Variants in TECPR2 observed in about 807,000 individuals in gnomAD.
TECPR2 encodes tectonin beta-propeller repeat containing 2.
A neutral mutation model predicts 138.1 loss-of-function variants in TECPR2; 65 were observed. That is an observed-to-expected ratio of 0.47 (90% CI 0.39 to 0.58). TECPR2 has a LOEUF of 0.58. Ranked by LOEUF, TECPR2 falls within the 20% of genes least tolerant of loss-of-function variation. TECPR2 has a pLI of 0.00. For missense variants in TECPR2, 1,553 were observed against 1,824.5 expected, an observed-to-expected ratio of 0.85 and a Z score of 2.71; for synonymous variants, 746 against 749.8, an observed-to-expected ratio of 0.99 and a Z score of 0.08.
At chr14:102,463,427 AAAAAAAAAAAAAG>A (rs1448723572) in intron 16 of TECPR2, among the ~76,000 whole-genome samples, 5 of 147,800 alleles carry the variant, frequency 3.4e-5, no homozygotes, top group Non-Finnish European at 4.4e-5. Context: ...AAAAAAAAAA[AAAAAAAAAAAAAG>A]AAAAAAACAA....
At chr14:102,479,274 G>C (rs576825176) in intron 17 of TECPR2, among the ~76,000 whole-genome samples, 11 of 152,278 alleles carry the variant, frequency 7.2e-5, no homozygotes, top group African/African-American at 2.6e-4. Flanking sequence ...GTAGGGAAGA[G>C]TGCTCCTCCC....
Position 102,410,768 on chromosome 14 carries a change from A to G in TECPR2, c.480+2149A>G, listed in dbSNP as rs976462543. ...GTCATATTCCTATTCACCATTCTCA[A>G]CTAACTCATACATGCCCTGCTCTGG... On this transcript the variant is annotated intron_variant, in intron 4 of 19. Transcript: ENST00000359520. Among the ~76,000 whole-genome samples the G allele has an allele frequency of 3.8e-4, 57 of 151,754 alleles. No homozygotes were observed. In the East Asian group the frequency reaches 0.01, roughly 27 times the overall value.
At chr14:102,393,924 A>G (rs1448436395) in intron 2 of TECPR2, among the ~76,000 whole-genome samples, 2 of 152,314 alleles carry the variant, frequency 1.3e-5, no homozygotes, top group Middle Eastern at 6.8e-3. Flanking sequence ...AACTTGTGCT[A>G]TGACATGGCA....
intron 1 of TECPR2, among the ~76,000 whole-genome samples, chr14:102,374,034 C>A (rs1031632734): frequency 6.7e-6 from 1 of 148,282 alleles, no homozygotes; most frequent in African/African-American, 2.5e-5. Context: ...ATCGCACCAC[C>A]GCACTCCAGC....
intron 4 of TECPR2, among the ~76,000 whole-genome samples, chr14:102,409,482 A>G (rs893322637): frequency 6.6e-6 from 1 of 151,912 alleles, no homozygotes; most frequent in African/African-American, 2.4e-5. Context: ...GTATTTTTGT[A>G]GAGACGGAGT....
chr14:102,438,291 A>G (rs914460047), intron 10 of TECPR2, 86 bp downstream of exon 10: 7 of 1,462,160 alleles, frequency 4.8e-6, no homozygotes, highest in South Asian at 4.0e-5. Context: ...ATCTTAGTAC[A>G]GGGCTCCCCT....
intron 4 of TECPR2, among the ~76,000 whole-genome samples, chr14:102,411,731 A>AAAAAAAAAAAAT (rs67777684): frequency 7.8e-6 from 1 of 128,988 alleles, no homozygotes; most frequent in Non-Finnish European, 1.7e-5. Context: ...AAAAAAAAAA[A>AAAAAAAAAAAAT]GAAGATGGCT....
intron 17 of TECPR2, among the ~76,000 whole-genome samples, chr14:102,483,530 C>T (rs1281414834): frequency 6.6e-6 from 1 of 152,082 alleles, no homozygotes; most frequent in East Asian, 1.9e-4. Flanking sequence ...TAGCTTTAAA[C>T]TTCTGGGCTC....
chr14:102,471,426 G>A (rs1890649879), intron 17 of TECPR2, among the ~76,000 whole-genome samples: 1 of 151,852 alleles, frequency 6.6e-6, no homozygotes, highest in South Asian at 2.1e-4. Context: ...ATTTGAATTG[G>A]CTGGGCACAG....
chr14:102,388,960 CAAA>C (rs778348018), intron 2 of TECPR2, among the ~76,000 whole-genome samples: 1 of 59,398 alleles, frequency 1.7e-5, no homozygotes. Context: ...GACTCCGTCT[CAAA>C]AAAAAAAAAA....
chr14:102,446,650 C>T (rs1889987313), intron 13 of TECPR2, among the ~76,000 whole-genome samples: 1 of 152,046 alleles, frequency 6.6e-6, no homozygotes, highest in South Asian at 2.1e-4. Flanking sequence ...CTCCGCCTCC[C>T]AAAGTGCTGG....
In TECPR2 at chr14:102,499,249, TTAAC is replaced by T; in HGVS notation, c.*996_*999del. The T allele has an allele frequency of 3.0e-6, 2 of 671,930 alleles. No homozygotes were observed. The highest frequency in any genetic ancestry group is 1.8e-5 in the African/African-American group (1 of 56,800). The allele number at this position is 671,930 out of a possible 1,614,324, so 41.6% of individuals were successfully genotyped here. ...CTTAGAAATGTCTTTGGAATGGTGT[TTAAC>T]TAATGCTGCTGGCGGACATCCTAAA... On this transcript the variant is annotated 3_prime_UTR_variant, in exon 20 of 20. Coordinates refer to ENST00000359520, the MANE Select transcript of TECPR2 (RefSeq NM_014844.5).
chr14:102,414,364 G>A (rs1049475891), intron 4 of TECPR2, among the ~76,000 whole-genome samples: 2 of 152,168 alleles, frequency 1.3e-5, no homozygotes, highest in Middle Eastern at 3.2e-3. Flanking sequence ...TATCTACTGA[G>A]GACATGTTTT....
rs547876657 is a variant in TECPR2 at position 102,496,471 on chromosome 14, C to T, written c.3790-508C>T. ...AGGCTGCCCAAGGACCAGGGCAGGG[C>T]GGCAGTCTTGTGCCGCGGCCTGGTC... is the stretch of plus-strand genomic sequence containing the variant. On this transcript the variant is annotated intron_variant, in intron 17 of 19. Coordinates refer to ENST00000359520, the MANE Select transcript of TECPR2 (RefSeq NM_014844.5). 4.6e-5 allele frequency among the ~76,000 whole-genome samples: 7 copies of T among 152,320 alleles called. No individual in the cohort carries two copies. In the South Asian group the frequency reaches 8.3e-4, roughly 18 times the overall value.
intron 17 of TECPR2, among the ~76,000 whole-genome samples, chr14:102,479,587 G>A (rs549766035): frequency 2.0e-5 from 3 of 152,296 alleles, no homozygotes; most frequent in East Asian, 1.9e-4. Context: ...GGCCTGATTC[G>A]CTGGATTTGT....
chr14:102,438,357 C>T (rs1205615200), intron 10 of TECPR2, 152 bp downstream of exon 10: 11 of 934,364 alleles, frequency 1.2e-5, no homozygotes, highest in Admixed American at 3.2e-5. Flanking sequence ...TCTTCAGGAA[C>T]GTTTGAGGGG....
intron 8 of TECPR2, among the ~76,000 whole-genome samples, chr14:102,432,572 T>A (rs1889533020): frequency 6.6e-6 from 1 of 152,100 alleles, no homozygotes; most frequent in African/African-American, 2.4e-5. Context: ...ATTTTGTATT[T>A]TTAGTAGATA....
At chr14:102,411,214 C>G (rs1410818847) in intron 4 of TECPR2, among the ~76,000 whole-genome samples, 1 of 152,280 alleles carries the variant, frequency 6.6e-6, no homozygotes, top group Non-Finnish European at 1.5e-5. Flanking sequence ...CATACCACCC[C>G]CCAAAAATTT....
At position 102,432,116 on chromosome 14, in the gene TECPR2, A is replaced by C. The variant is rs1208330729; in HGVS notation, c.1405A>C (p.Lys469Gln). 2 of 1,583,192 alleles carry C rather than the reference A, an allele frequency of 1.3e-6. No individual in the cohort carries two copies. Among genetic ancestry groups the C allele is most frequent in the South Asian group, 2.3e-5 (2 of 88,828 alleles). Residue 469 changes from lysine to glutamine, a missense_variant, in exon 8 of 20, where the codon AAG becomes CAG. Coordinates refer to ENST00000359520, the MANE Select transcript of TECPR2 (RefSeq NM_014844.5). ...KPIKVKRKKK[K>Q]KKTEGGSRST... ...TATCAAAGTGAAAAGGAAGAAGAAG[A>C]AGAAGAAGACAGGTACCCTCTGTAG...
Sources: allele counts gnomAD v4.1 joint callset (sites outside exome capture counted in the v4.1 genomes callset), GRCh38; gene constraint gnomAD v4.1.1; transcripts MANE v1.5; gene names NCBI Gene and HGNC (gene_info 2026-07-23, HGNC 2026-07-21).